Variants in ARK2N observed in about 807,000 individuals in gnomAD.
ARK2N encodes the protein arkadia (RNF111) N-terminal like PKA signaling regulator 2N, also known as protein ARK2N.
chr18:46,257,083 T>C, the ARK2N span, among the ~76,000 whole-genome samples: 1 of 152,214 alleles, frequency 6.6e-6, no homozygotes, highest in African/African-American at 2.4e-5. Context: ...TTTGTTCTCA[T>C]TTGATTTGCA....
the ARK2N span, among the ~76,000 whole-genome samples, chr18:46,191,340 GTTTA>G: frequency 6.6e-6 from 1 of 151,210 alleles, no homozygotes; most frequent in African/African-American, 2.4e-5. Flanking sequence ...ATTATTTATT[GTTTA>G]TTTAATTTTT....
At chr18:46,240,725 GA>G in the ARK2N span, among the ~76,000 whole-genome samples, 14 of 151,656 alleles carry the variant, frequency 9.2e-5, no homozygotes, top group African/African-American at 2.4e-4. Context: ...GTTAGCTCAG[GA>G]AAAAAAATCT....
At chr18:46,248,593 G>T in the ARK2N span, among the ~76,000 whole-genome samples, 2 of 151,822 alleles carry the variant, frequency 1.3e-5, no homozygotes, top group African/African-American at 4.8e-5. Flanking sequence ...TTGTTTGTTT[G>T]TTTTTTTGAG....
chr18:46,250,491 TACAC>T, the ARK2N span, among the ~76,000 whole-genome samples: 12 of 129,674 alleles, frequency 9.3e-5, no homozygotes, highest in African/African-American at 2.9e-4. Context: ...CCTCCATTCG[TACAC>T]ACACACACAC....
At chr18:46,175,767 C>T in the ARK2N span, among the ~76,000 whole-genome samples, 1 of 152,168 alleles carries the variant, frequency 6.6e-6, no homozygotes, top group East Asian at 1.9e-4. Flanking sequence ...TCCCAAAGTG[C>T]TGGGATTACA....
the ARK2N span, among the ~76,000 whole-genome samples, chr18:46,194,600 A>C: frequency 6.7e-6 from 1 of 150,286 alleles, no homozygotes; most frequent in Non-Finnish European, 1.5e-5. Flanking sequence ...CAGTCTCCTG[A>C]GTAGCTGGGA....
the ARK2N span, chr18:46,228,628 T>A: frequency 4.6e-5 from 18 of 393,240 alleles, 1 homozygote; most frequent in East Asian, 3.2e-4. Flanking sequence ...CTCTGTCATC[T>A]ACACTGGAGT....
the ARK2N span, among the ~76,000 whole-genome samples, chr18:46,193,025 G>T: frequency 6.6e-6 from 1 of 151,966 alleles, no homozygotes; most frequent in Admixed American, 6.6e-5. Flanking sequence ...GTGAAACTGG[G>T]CATGGTGGCA....
At chr18:46,189,750 G>A in the ARK2N span, among the ~76,000 whole-genome samples, 1 of 152,190 alleles carries the variant, frequency 6.6e-6, no homozygotes, top group African/African-American at 2.4e-5. Context: ...TGTAGTCCCA[G>A]CTACTTGGGA....
chr18:46,236,248 A>AG, the ARK2N span, among the ~76,000 whole-genome samples: 1 of 152,200 alleles, frequency 6.6e-6, no homozygotes, highest in African/African-American at 2.4e-5. Context: ...CCTGGGCTCA[A>AG]GCAGTCCTCC....
chr18:46,238,976 C>G, the ARK2N span, among the ~76,000 whole-genome samples: 2 of 151,904 alleles, frequency 1.3e-5, no homozygotes, highest in East Asian at 1.9e-4. Context: ...TCATAAATAG[C>G]CTTTGGGGGA....
chr18:46,195,559 C>CTTTTTT, the ARK2N span, among the ~76,000 whole-genome samples: 36 of 72,692 alleles, frequency 5.0e-4, 2 homozygotes, highest in African/African-American at 2.1e-3. Flanking sequence ...CCCACATAAA[C>CTTTTTT]TTTTTTTTTT....
the ARK2N span, among the ~76,000 whole-genome samples, chr18:46,201,375 T>C: frequency 2.0e-5 from 3 of 152,178 alleles, no homozygotes; most frequent in African/African-American, 7.2e-5. Flanking sequence ...GGTTTGAATA[T>C]GTATTTGTAG....
the ARK2N span, among the ~76,000 whole-genome samples, chr18:46,242,542 A>G: frequency 2.0e-5 from 3 of 152,230 alleles, no homozygotes; most frequent in South Asian, 6.2e-4. Flanking sequence ...TGTGAGGAGG[A>G]AAACAACTGT....
the ARK2N span, chr18:46,216,743 C>A: frequency 2.9e-6 from 2 of 694,426 alleles, no homozygotes; most frequent in South Asian, 2.1e-5. The surrounding 1 kb of genome is among the most constrained non-coding windows in gnomAD (Gnocchi z 4.3). Context: ...CAAGACATGG[C>A]CAATTTATAA....
the ARK2N span, among the ~76,000 whole-genome samples, chr18:46,226,130 TAATAA>T: frequency 6.6e-6 from 1 of 152,298 alleles, no homozygotes; most frequent in East Asian, 1.9e-4. Flanking sequence ...ACATGTCATT[TAATAA>T]TCTAATTTGT....
the ARK2N span, among the ~76,000 whole-genome samples, chr18:46,245,833 C>G: frequency 6.6e-6 from 1 of 152,084 alleles, no homozygotes; most frequent in African/African-American, 2.4e-5. Context: ...TTAGTTACTA[C>G]TTTTTCTGTG....
the ARK2N span, among the ~76,000 whole-genome samples, chr18:46,255,430 C>CTTTTT: frequency 8.1e-6 from 1 of 123,050 alleles, no homozygotes; most frequent in African/African-American, 3.2e-5. Flanking sequence ...CTTTTCTTTG[C>CTTTTT]TTTTCTTTTC....
At chr18:46,178,720 G>T in the ARK2N span, among the ~76,000 whole-genome samples, 2 of 152,090 alleles carry the variant, frequency 1.3e-5, no homozygotes, top group African/African-American at 4.8e-5. Flanking sequence ...CAGGAGACCA[G>T]CCTGGGCAAC....
Sources: allele counts gnomAD v4.1 joint callset (sites outside exome capture counted in the v4.1 genomes callset), GRCh38; gene constraint gnomAD v4.1.1; non-coding constraint Gnocchi (gnomAD v3.1); transcripts MANE v1.5; gene names NCBI Gene and HGNC (gene_info 2026-07-23, HGNC 2026-07-21).